The following RAPGEF6 variants were observed in gnomAD, a reference collection of about 807,000 sequenced individuals.
RAPGEF6 encodes the protein Rap guanine nucleotide exchange factor 6, also known as PDZ domain containing guanine nucleotide exchange factor (GEF) 2.
A neutral mutation model predicts 171.4 loss-of-function variants in RAPGEF6; 56 were observed. The observed-to-expected ratio is 0.33, with a 90% CI of 0.26 to 0.41. The LOEUF (loss-of-function observed/expected upper bound fraction) is 0.41. Among genes scored for constraint, RAPGEF6 ranks in the 10% least tolerant of loss-of-function variants. The probability of loss-of-function intolerance (pLI) is 1.00; values close to 1 mark genes in which losing one functional copy is unlikely to be tolerated. For missense variants in RAPGEF6, 1,674 were observed against 1,921.4 expected (o/e 0.87, Z 2.41); for synonymous variants, 692 against 650.1 (o/e 1.06, Z -0.98).
rs533173386 is a variant in RAPGEF6, at chr5:131,595,748, C to T, written c.198-3282G>A. On this transcript the variant is annotated intron_variant, in intron 3 of 27. Coordinates refer to ENST00000509018, the MANE Select transcript of RAPGEF6 (RefSeq NM_016340.6). Reference sequence around the variant, plus strand: ...CTATAAATAACAGCCTTGAATGTAACTGGGTAAGCTCCTCCAATTAATAGA... The same window carrying T: ...CTATAAATAACAGCCTTGAATGTAATTGGGTAAGCTCCTCCAATTAATAGA... 1.0e-3 allele frequency among the ~76,000 whole-genome samples: 153 copies of T among 152,242 alleles called. 1 individual carries two copies. Among genetic ancestry groups the T allele is most frequent in the Middle Eastern group, 3.4e-3 (1 of 294 alleles).
Position 131,472,728 on chromosome 5 carries a change from G to T in RAPGEF6, c.2098C>A (p.Gln700Lys). 1 of 1,611,202 alleles carries T rather than the reference G, an allele frequency of 6.2e-7. No homozygotes were observed. The highest frequency in any genetic ancestry group is 1.1e-5 in the South Asian group (1 of 91,006). The stretch of plus-strand genomic sequence containing the variant: ...CCCACAATGCTGTCATCTTGTGATT[G>T]GCTTAGGCCTCCATCACTTCAAAAG... ...PKLFSDGGLSQSQDDSIVGTR... is the reference protein window; with the variant it reads ...PKLFSDGGLSKSQDDSIVGTR... The change falls in exon 17 of 28, where the codon CAA becomes AAA. Residue 700 changes from glutamine (Q) to lysine (K), a missense_variant. Around this residue, in one of 3 missense-constraint regions of RAPGEF6, gnomAD observed 1,116 missense variants for 1,321.5 expected, o/e 0.84. Coordinates refer to ENST00000509018, the MANE Select transcript of RAPGEF6 (RefSeq NM_016340.6).
chr5:131,487,175 G>A (rs905526147), intron 15 of RAPGEF6, among the ~76,000 whole-genome samples: 7 of 152,180 alleles, frequency 4.6e-5, no homozygotes, highest in Non-Finnish European at 1.5e-5. Context: ...CTTCCTTCCG[G>A]TGGGTTCATG....
chr5:131,538,664 T>C (rs1400946932), intron 6 of RAPGEF6, among the ~76,000 whole-genome samples: 2 of 152,188 alleles, frequency 1.3e-5, no homozygotes, highest in South Asian at 2.1e-4. Flanking sequence ...TGAGGGACCA[T>C]GGTACATTAA....
intron 7 of RAPGEF6, among the ~76,000 whole-genome samples, chr5:131,516,429 G>C (rs575667539): frequency 1.3e-5 from 2 of 152,152 alleles, no homozygotes; most frequent in African/African-American, 4.8e-5. Flanking sequence ...TGGTGAAAAC[G>C]TGGCACCAGA....
intron 4 of RAPGEF6, among the ~76,000 whole-genome samples, chr5:131,577,203 T>C (rs1762657036): frequency 6.6e-6 from 1 of 152,164 alleles, no homozygotes; most frequent in Non-Finnish European, 1.5e-5. Context: ...CCGGCCTTCA[T>C]TAGTCAGGTC....
At position 131,498,426 on chromosome 5, in the gene RAPGEF6, C is replaced by A; in HGVS notation, c.1419+17G>T. 6.4e-7 allele frequency: 1 copy of A among 1,573,716 alleles called. No individual in the cohort carries two copies. The highest frequency in any genetic ancestry group is 8.6e-7 in the Non-Finnish European group (1 of 1,160,184). The stretch of plus-strand genomic sequence containing the variant: ...ATTTTGGGTTAAAATCACTTTCATG[C>A]CCCTTATAAAACCAACCTTATCTCT... On this transcript the variant is annotated intron_variant, in intron 12 of 27. Transcript: ENST00000509018.
intron 7 of RAPGEF6, among the ~76,000 whole-genome samples, chr5:131,520,550 A>G (rs1389728032): frequency 1.3e-5 from 2 of 152,210 alleles, no homozygotes; most frequent in African/African-American, 4.8e-5. Context: ...TCTATTTGAC[A>G]GTTCTGAAAT....
intron 8 of RAPGEF6, among the ~76,000 whole-genome samples, chr5:131,509,055 T>C (rs1757542426): frequency 6.6e-6 from 1 of 152,156 alleles, no homozygotes; most frequent in African/African-American, 2.4e-5. Flanking sequence ...CAGCATCTTC[T>C]AATTGGAAGG....
intron 1 of RAPGEF6, among the ~76,000 whole-genome samples, chr5:131,605,107 ATT>A (rs1348537448): frequency 6.6e-6 from 1 of 152,220 alleles, no homozygotes; most frequent in Non-Finnish European, 1.5e-5. Context: ...TTTCTAAAGA[ATT>A]TCTTTCTAAA....
chr5:131,494,910 G>C (rs1002481363), intron 13 of RAPGEF6, among the ~76,000 whole-genome samples: 1 of 152,130 alleles, frequency 6.6e-6, no homozygotes, highest in Non-Finnish European at 1.5e-5. Flanking sequence ...ATCCTGGCCA[G>C]GGAATTCAAG....
intron 24 of RAPGEF6, among the ~76,000 whole-genome samples, chr5:131,439,192 T>TA (rs1461281847): frequency 2.0e-5 from 3 of 152,194 alleles, no homozygotes; most frequent in African/African-American, 7.2e-5. Flanking sequence ...GCTGGTATTA[T>TA]AAGCATGAGC....
At chr5:131,452,322 A>G (rs1447938401) in intron 21 of RAPGEF6, among the ~76,000 whole-genome samples, 1 of 152,222 alleles carries the variant, frequency 6.6e-6, no homozygotes. Context: ...GAACCTTAAA[A>G]AGCATTCTTA....
intron 4 of RAPGEF6, among the ~76,000 whole-genome samples, chr5:131,574,767 T>C (rs1276785768): frequency 6.6e-6 from 1 of 152,012 alleles, no homozygotes. Context: ...TCCAAAAGTA[T>C]GGGATACCTC....
chr5:131,617,728 T>C (rs983447006), intron 1 of RAPGEF6, among the ~76,000 whole-genome samples: 1 of 152,226 alleles, frequency 6.6e-6, no homozygotes, highest in Non-Finnish European at 1.5e-5. Flanking sequence ...ACCCCGTCTC[T>C]ACTAAAAATA....
chr5:131,431,467 A>C (rs1445998920), intron 25 of RAPGEF6, 118 bp from the exon 26 acceptor site: 1 of 1,084,004 alleles, frequency 9.2e-7, no homozygotes, highest in Non-Finnish European at 1.3e-6. Flanking sequence ...GTTCATGCCA[A>C]ATAACATCGT....
At chr5:131,456,095 A>G (rs1753476079) in intron 19 of RAPGEF6, 83 bp from the exon 20 acceptor site, 3 of 927,720 alleles carry the variant, frequency 3.2e-6, no homozygotes, top group Admixed American at 2.5e-5. Context: ...CATTTTCTCT[A>G]ATAAAAGTAA....
intron 13 of RAPGEF6, 94 bp downstream of exon 13, chr5:131,495,459 A>G (rs1561510420): frequency 5.6e-6 from 5 of 899,106 alleles, no homozygotes; most frequent in Middle Eastern, 4.5e-4. Context: ...CATTTAAGAC[A>G]CAGGAAAGAA....
At chr5:131,431,399 TTCTC>T (rs1258067580) in intron 25 of RAPGEF6, 50 bp from the exon 26 acceptor site, 3 of 1,526,848 alleles carry the variant, frequency 2.0e-6, no homozygotes, top group Non-Finnish European at 2.6e-6. Flanking sequence ...AAAAACTATC[TTCTC>T]TCTGTTTCAA....
chr5:131,427,509 G>C (rs185954768), intron 27 of RAPGEF6, among the ~76,000 whole-genome samples: 15 of 152,098 alleles, frequency 9.9e-5, no homozygotes, highest in African/African-American at 3.1e-4. Context: ...TATTACTCTT[G>C]TTTAAAAGCA....
Sources: allele counts gnomAD v4.1 joint callset (sites outside exome capture counted in the v4.1 genomes callset), GRCh38; gene constraint gnomAD v4.1.1; regional missense constraint gnomAD v4.1.1; transcripts MANE v1.5; gene names NCBI Gene and HGNC (gene_info 2026-07-23, HGNC 2026-07-21).